The following TMEM178B variants were observed in gnomAD, a reference collection of about 807,000 sequenced individuals.
The protein encoded by TMEM178B is transmembrane protein 178B.
Under a neutral mutation model 31.0 loss-of-function variants are expected in TMEM178B, and 5 were observed. The observed-to-expected ratio is 0.16, with a 90% CI of 0.08 to 0.34. The LOEUF is 0.34. Ranked by LOEUF, TMEM178B falls within the 10% of genes least tolerant of loss-of-function variation. The pLI, the probability that TMEM178B is intolerant of heterozygous loss-of-function variation, is 1.00. For synonymous variants in TMEM178B, 164 were observed against 164.0 expected (o/e 1.00, Z 0.00); for missense variants, 275 against 400.3 (o/e 0.69, Z 2.67).
chr7:141,191,497 C>T (rs1231100524), intron 1 of TMEM178B, among the ~76,000 whole-genome samples: 1 of 152,232 alleles, frequency 6.6e-6, no homozygotes, highest in Non-Finnish European at 1.5e-5. Flanking sequence ...TCTGGTTCTC[C>T]ACATCTCACC....
chr7:141,242,494 G>T (rs879683115), intron 2 of TMEM178B, among the ~76,000 whole-genome samples: 7 of 150,366 alleles, frequency 4.7e-5, no homozygotes, highest in African/African-American at 7.4e-5. Context: ...GTGTGTGTGT[G>T]TGTGTGTGTG....
chr7:141,372,858 A>G (rs1033449030), intron 2 of TMEM178B, among the ~76,000 whole-genome samples: 10 of 152,198 alleles, frequency 6.6e-5, no homozygotes, highest in African/African-American at 2.4e-4. Context: ...GATGACTTCC[A>G]CACATCTGAG....
At chr7:141,345,488 A>G (rs1056759285) in intron 2 of TMEM178B, among the ~76,000 whole-genome samples, 3 of 152,188 alleles carry the variant, frequency 2.0e-5, no homozygotes, top group Non-Finnish European at 4.4e-5. Flanking sequence ...GCCAAGCTAC[A>G]GTAAAGATGG....
chr7:141,276,106 G>A (rs1798262198), intron 2 of TMEM178B, among the ~76,000 whole-genome samples: 1 of 152,142 alleles, frequency 6.6e-6, no homozygotes, highest in Admixed American at 6.5e-5. Flanking sequence ...AAGGCTGAGG[G>A]GACATGGGGA....
intron 2 of TMEM178B, among the ~76,000 whole-genome samples, chr7:141,285,197 G>T (rs1424774075): frequency 9.7e-6 from 1 of 103,378 alleles, no homozygotes; most frequent in Admixed American, 1.6e-4. Context: ...GTCTCGCTTT[G>T]TCGAGTGCAG....
chr7:141,258,525 G>C (rs1797965205), intron 2 of TMEM178B, among the ~76,000 whole-genome samples: 1 of 152,284 alleles, frequency 6.6e-6, no homozygotes, highest in East Asian at 1.9e-4. Flanking sequence ...TATTTGCCTA[G>C]TCATTTATAT....
intron 2 of TMEM178B, among the ~76,000 whole-genome samples, chr7:141,366,896 A>C (rs1003498004): frequency 6.6e-6 from 1 of 152,048 alleles, no homozygotes; most frequent in Non-Finnish European, 1.5e-5. Context: ...GTGACAGTTT[A>C]TAATCTGTTT....
At chr7:141,368,125 C>A (rs1432168479) in intron 2 of TMEM178B, among the ~76,000 whole-genome samples, 1 of 152,158 alleles carries the variant, frequency 6.6e-6, no homozygotes, top group Admixed American at 6.5e-5. Flanking sequence ...TCAAGACCAG[C>A]CTGGCCAACA....
intron 1 of TMEM178B, among the ~76,000 whole-genome samples, chr7:141,176,928 G>GT (rs1354678028): frequency 4.6e-5 from 7 of 152,018 alleles, no homozygotes; most frequent in African/African-American, 1.7e-4. Context: ...TTTTTGAAGG[G>GT]TTTTTTGTGT....
chr7:141,496,668 T>C, the TMEM178B span, among the ~76,000 whole-genome samples: 1 of 30,954 alleles, frequency 3.2e-5, no homozygotes, highest in African/African-American at 2.6e-4. Flanking sequence ...AGACTCCGTC[T>C]CAAAAAAAAA....
intron 1 of TMEM178B, among the ~76,000 whole-genome samples, chr7:141,086,512 C>A (rs1563083873): frequency 6.6e-6 from 1 of 152,034 alleles, no homozygotes; most frequent in East Asian, 1.9e-4. Flanking sequence ...ACCATTTATA[C>A]GAAGTTCAAA....
the TMEM178B span, among the ~76,000 whole-genome samples, chr7:141,509,524 C>T: frequency 6.6e-6 from 1 of 152,154 alleles, no homozygotes; most frequent in East Asian, 1.9e-4. Flanking sequence ...GTGGCGGGCG[C>T]CTGTAATCCC....
At chr7:141,248,237 C>T (rs1057000118) in intron 2 of TMEM178B, among the ~76,000 whole-genome samples, 2 of 152,040 alleles carry the variant, frequency 1.3e-5, no homozygotes, top group African/African-American at 2.4e-5. Context: ...ATGGTGAAAC[C>T]CTGCCTCCAC....
At chr7:141,373,788 C>A (rs1008857091) in intron 2 of TMEM178B, among the ~76,000 whole-genome samples, 3 of 152,176 alleles carry the variant, frequency 2.0e-5, no homozygotes, top group Non-Finnish European at 4.4e-5. Context: ...GTGAGCTGGG[C>A]AGCACACCAC....
At position 141,408,259 on chromosome 7, in the gene TMEM178B, G is replaced by A. The variant is rs573346044; in HGVS notation, c.497-29349G>A. Among the ~76,000 whole-genome samples the A allele has an allele frequency of 3.3e-5, 5 of 152,320 alleles. No homozygotes were observed. The East Asian group carries it at 9.6e-4, about 29-fold the overall frequency. Reference sequence around the variant, plus strand: ...CAGGAATGTCTGTTCATCTCCCTGAGGAGGATGGGGCAACATGAGGCCTCC... The same window carrying A: ...CAGGAATGTCTGTTCATCTCCCTGAAGAGGATGGGGCAACATGAGGCCTCC... On this transcript the variant is annotated intron_variant, in intron 2 of 3. Coordinates refer to ENST00000565468, the MANE Select transcript of TMEM178B (RefSeq NM_001195278.2).
At chr7:141,325,998 G>T (rs1021659872) in intron 2 of TMEM178B, among the ~76,000 whole-genome samples, 1 of 152,188 alleles carries the variant, frequency 6.6e-6, no homozygotes, top group Non-Finnish European at 1.5e-5. Context: ...AATACAGCCA[G>T]CATTGCTAAT....
At chr7:141,453,213 C>G (rs1801900907) in intron 3 of TMEM178B, among the ~76,000 whole-genome samples, 1 of 152,192 alleles carries the variant, frequency 6.6e-6, no homozygotes, top group African/African-American at 2.4e-5. Context: ...CCTAGCTTTC[C>G]TCTGAGTCAA....
chr7:141,124,689 T>C (rs1451612844), intron 1 of TMEM178B, among the ~76,000 whole-genome samples: 2 of 152,234 alleles, frequency 1.3e-5, no homozygotes, highest in Admixed American at 6.5e-5. Context: ...AATAAATATT[T>C]GTTGACTCCA....
intron 2 of TMEM178B, among the ~76,000 whole-genome samples, chr7:141,374,037 G>T (rs1348337535): frequency 6.6e-6 from 1 of 152,154 alleles, no homozygotes; most frequent in African/African-American, 2.4e-5. Context: ...ATTCCTTAAA[G>T]AGTGGCTATG....
Sources: allele counts gnomAD v4.1 joint callset (sites outside exome capture counted in the v4.1 genomes callset), GRCh38; gene constraint gnomAD v4.1.1; transcripts MANE v1.5; gene names NCBI Gene and HGNC (gene_info 2026-07-23, HGNC 2026-07-21).